GALNTL6: variants seen among roughly 807,000 people sequenced by gnomAD.
The protein encoded by GALNTL6 is polypeptide N-acetylgalactosaminyltransferase-like 6.
GALNTL6 carries 46 observed loss-of-function variants against 73.7 expected under a neutral mutation model. The observed-to-expected ratio is 0.62, with a 90% CI of 0.49 to 0.80. The LOEUF is 0.80. Among genes scored for constraint, GALNTL6 ranks in the 30% least tolerant of loss-of-function variants. The pLI, the probability that GALNTL6 is intolerant of heterozygous loss-of-function variation, is 0.00. For missense variants in GALNTL6, 604 were observed against 755.0 expected (o/e 0.80, Z 2.34); for synonymous variants, 259 against 263.7 (o/e 0.98, Z 0.17).
chr4:172,241,395 A>T (rs183838944), intron 3 of GALNTL6, among the ~76,000 whole-genome samples: 25 of 152,240 alleles, frequency 1.6e-4, no homozygotes, highest in African/African-American at 5.1e-4. Flanking sequence ...AAGAAAAAAA[A>T]TGTAAAAGGA....
chr4:173,009,277 A>T lies in GALNTL6; in HGVS notation c.1471A>T (p.Thr491Ser). 6.2e-7 allele frequency: 1 copy of T among 1,612,334 alleles called. No individual in the cohort carries two copies. Among genetic ancestry groups the T allele is most frequent in the Admixed American group, 1.7e-5 (1 of 60,022 alleles). The change falls in exon 11 of 13, where the codon ACA (threonine) becomes TCA (serine). Residue 491 changes from threonine to serine, a missense_variant. By Grantham distance (58) the Thr-to-Ser change is moderately conservative (BLOSUM62 1). Coordinates refer to ENST00000506823, the MANE Select transcript of GALNTL6 (RefSeq NM_001034845.3). ...CTGTGTCAAGGATGGTTCTGAAAGAACATGGTCTCATGAACAGGTGAGTCA... is the reference window on the plus strand; with the variant it reads ...CTGTGTCAAGGATGGTTCTGAAAGATCATGGTCTCATGAACAGGTGAGTCA... ...DICVKDGSER[T>S]WSHEQLFTFG...
intron 2 of GALNTL6, among the ~76,000 whole-genome samples, chr4:171,910,213 T>A (rs1196472474): frequency 1.3e-5 from 2 of 152,126 alleles, no homozygotes; most frequent in East Asian, 3.9e-4. Flanking sequence ...TTTATCCTTC[T>A]CCCCTTTACA....
At chr4:171,986,016 T>C (rs1295820287) in intron 2 of GALNTL6, among the ~76,000 whole-genome samples, 1 of 108,738 alleles carries the variant, frequency 9.2e-6, no homozygotes, top group African/African-American at 3.6e-5. Flanking sequence ...CCAGCCTGAG[T>C]GACAGAGCCA....
chr4:172,044,324 C>T (rs1433671434), intron 2 of GALNTL6, among the ~76,000 whole-genome samples: 2 of 151,586 alleles, frequency 1.3e-5, no homozygotes, highest in Non-Finnish European at 2.9e-5. Context: ...GTGGTTGTTG[C>T]CATTACGAAT....
intron 2 of GALNTL6, among the ~76,000 whole-genome samples, chr4:171,987,927 C>G (rs1223752146): frequency 1.3e-5 from 2 of 152,006 alleles, no homozygotes; most frequent in African/African-American, 4.8e-5. Flanking sequence ...AAAGTCCAGG[C>G]CAGGAACAAT....
intron 5 of GALNTL6, among the ~76,000 whole-genome samples, chr4:172,531,904 C>A (rs1333004722): frequency 3.9e-5 from 6 of 152,160 alleles, no homozygotes; most frequent in Non-Finnish European, 8.8e-5. Context: ...TCCAAGACAC[C>A]AAAGTGTTCA....
intron 2 of GALNTL6, among the ~76,000 whole-genome samples, chr4:171,828,112 G>A (rs1405238552): frequency 1.3e-5 from 2 of 152,074 alleles, no homozygotes; most frequent in Non-Finnish European, 2.9e-5. Context: ...CAAGAGAAAT[G>A]TAAACAAATA....
intron 5 of GALNTL6, among the ~76,000 whole-genome samples, chr4:172,683,713 C>A (rs6839897): frequency 0.045 from 6,898 of 152,248 alleles, 309 homozygotes; most frequent in African/African-American, 0.11. Flanking sequence ...ATCTAGTTAA[C>A]TTCTAGCTAG....
intron 2 of GALNTL6, among the ~76,000 whole-genome samples, chr4:172,068,689 T>A (rs1033165137): frequency 1.8e-5 from 2 of 110,910 alleles, no homozygotes; most frequent in African/African-American, 6.8e-5. Context: ...CTTACTAATC[T>A]GCCCAGCCCT....
At chr4:172,309,199 C>G (rs1192570648) in intron 3 of GALNTL6, among the ~76,000 whole-genome samples, 2 of 152,002 alleles carry the variant, frequency 1.3e-5, no homozygotes, top group Middle Eastern at 6.8e-3. Flanking sequence ...TCTTATCAAT[C>G]CCCAGCCGTA....
intron 2 of GALNTL6, among the ~76,000 whole-genome samples, chr4:172,016,744 TTTTTC>T (rs1741208799): frequency 7.1e-6 from 1 of 141,370 alleles, no homozygotes; most frequent in Admixed American, 7.0e-5. Context: ...ATTGGATTGA[TTTTTC>T]TTTTAATTTA....
At chr4:172,313,344 C>G (rs1280400339) in intron 4 of GALNTL6, among the ~76,000 whole-genome samples, 2 of 152,004 alleles carry the variant, frequency 1.3e-5, no homozygotes, top group Non-Finnish European at 2.9e-5. Context: ...AGGATAGTCT[C>G]GATCTCCTGA....
rs191931196 is a variant in GALNTL6, at chr4:172,460,459, G to C, written c.553+111770G>C. On this transcript the variant is annotated intron_variant, in intron 5 of 12. Transcript: ENST00000506823. Reference sequence around the variant, plus strand: ...ACCTACAGAATGGGAGAAAATTTTTGCAACCTATCCATCTGACAAAGGGCT... The same window carrying C: ...ACCTACAGAATGGGAGAAAATTTTTCCAACCTATCCATCTGACAAAGGGCT... Among the ~76,000 whole-genome samples the C allele has an allele frequency of 5.3e-5, 8 of 152,238 alleles. No individual in the cohort carries two copies. In the South Asian group the frequency reaches 1.5e-3, roughly 28 times the overall value.
chr4:171,827,140 G>A (rs1050395842), intron 2 of GALNTL6, among the ~76,000 whole-genome samples: 7 of 152,134 alleles, frequency 4.6e-5, no homozygotes, highest in Non-Finnish European at 1.0e-4. Context: ...AGATAAAAAA[G>A]TTCCAACAAG....
Position 172,580,809 on chromosome 4 carries a change from C to T in GALNTL6, c.554-228552C>T, listed in dbSNP as rs571781757. ...TTTGTTTGTTTTTGAGACGGAGTTT[C>T]GCTCTTTTTGCCCAGACTGGAGTGC... On this transcript the variant is annotated intron_variant, in intron 5 of 12. Coordinates refer to ENST00000506823, the MANE Select transcript of GALNTL6 (RefSeq NM_001034845.3). 2.6e-4 allele frequency among the ~76,000 whole-genome samples: 39 copies of T among 152,246 alleles called. No homozygotes were observed. The South Asian group carries it at 5.6e-3, about 22-fold the overall frequency.
At chr4:172,029,072 A>C (rs962587725) in intron 2 of GALNTL6, among the ~76,000 whole-genome samples, 2 of 152,020 alleles carry the variant, frequency 1.3e-5, no homozygotes, top group Admixed American at 1.3e-4. Flanking sequence ...CTAGTGAAGA[A>C]AAGATGAATT....
At chr4:172,190,757 G>A (rs1460412576) in intron 2 of GALNTL6, among the ~76,000 whole-genome samples, 1 of 152,208 alleles carries the variant, frequency 6.6e-6, no homozygotes, top group African/African-American at 2.4e-5. Flanking sequence ...GAAGTGGAGA[G>A]CATGATCAGA....
intron 3 of GALNTL6, among the ~76,000 whole-genome samples, chr4:172,240,390 A>AT (rs879731574): frequency 0.017 from 2,461 of 144,248 alleles, 54 homozygotes; most frequent in African/African-American, 0.05. Context: ...TGCCCGGCTA[A>AT]TTTTTTTTTT....
rs1735473213 is a variant in GALNTL6 at position 171,849,946 on chromosome 4, T to C, written c.138+35228T>C. Among the ~76,000 whole-genome samples the C allele has an allele frequency of 3.3e-5, 5 of 152,322 alleles. No individual in the cohort carries two copies. The South Asian group carries it at 6.2e-4, about 19-fold the overall frequency. On this transcript the variant is annotated intron_variant, in intron 2 of 12. Transcript: ENST00000506823. ...ATTGAATAAATGTGCATGTTGCATA[T>C]GAACTAGTGGAGAGTTAACATTTTT...
Sources: gnomAD v4.1 joint callset for allele counts (sites outside exome capture counted in the v4.1 genomes callset) on GRCh38, gnomAD v4.1.1 for gene constraint, MANE v1.5 for transcripts, NCBI Gene and HGNC (gene_info 2026-07-23, HGNC 2026-07-21) for gene names.